FAM178B: variants seen among roughly 807,000 people sequenced by gnomAD.
The protein encoded by FAM178B is family with sequence similarity 178 member B.
A neutral mutation model predicts 91.7 loss-of-function variants in FAM178B; 82 were observed. The observed-to-expected ratio is 0.89, with a 90% CI of 0.75 to 1.07. The LOEUF (loss-of-function observed/expected upper bound fraction) is 1.07, where lower values mean the gene tolerates loss of function less well. Ranked by LOEUF, FAM178B falls within the 50% of genes least tolerant of loss-of-function variation. The pLI is 0.00. For missense variants in FAM178B, 769 were observed against 846.7 expected (o/e 0.91, Z 1.14); for synonymous variants, 368 against 359.4 (o/e 1.02, Z -0.27).
chr2:96,905,814 G>GTATA (rs2081020358), intron 12 of FAM178B, among the ~76,000 whole-genome samples: 1 of 34,466 alleles, frequency 2.9e-5, no homozygotes, highest in African/African-American at 1.1e-4. Flanking sequence ...ATACATATAT[G>GTATA]TGTGTATATA....
chr2:96,965,802 A>C (rs952447933), intron 5 of FAM178B, among the ~76,000 whole-genome samples: 1 of 152,002 alleles, frequency 6.6e-6, no homozygotes, highest in Non-Finnish European at 1.5e-5. Flanking sequence ...CCAACCTTCC[A>C]GTTGCTCAGA....
intron 12 of FAM178B, among the ~76,000 whole-genome samples, chr2:96,914,658 G>T (rs1445854045): frequency 6.6e-6 from 1 of 152,220 alleles, no homozygotes; most frequent in Non-Finnish European, 1.5e-5. Flanking sequence ...GGAAGCCAAG[G>T]TGGGAGGATC....
chr2:96,921,912 A>G (rs2081347625), intron 10 of FAM178B, among the ~76,000 whole-genome samples: 1 of 152,136 alleles, frequency 6.6e-6, no homozygotes, highest in Non-Finnish European at 1.5e-5. Context: ...AACAAGGCTG[A>G]GACCTACTGG....
intron 8 of FAM178B, among the ~76,000 whole-genome samples, chr2:96,942,795 T>C (rs1235188357): frequency 2.0e-5 from 3 of 152,144 alleles, no homozygotes; most frequent in Admixed American, 6.5e-5. Flanking sequence ...AGCATAAGGG[T>C]AGACATATAA....
intron 14 of FAM178B, among the ~76,000 whole-genome samples, chr2:96,880,796 G>T (rs972779548): frequency 6.6e-6 from 1 of 152,054 alleles, no homozygotes; most frequent in Non-Finnish European, 1.5e-5. Context: ...GGGTTTCACC[G>T]TGTTAGCCAG....
rs533990518 is a variant in FAM178B at position 96,900,221 on chromosome 2, C to G, written c.1650+2399G>C. 2.0e-4 allele frequency among the ~76,000 whole-genome samples: 30 copies of G among 152,294 alleles called. No homozygotes were observed. In the South Asian group the frequency reaches 3.9e-3, roughly 20 times the overall value. On this transcript the variant is annotated intron_variant, in intron 13 of 16. Coordinates refer to ENST00000490605, the MANE Select transcript of FAM178B (RefSeq NM_001122646.3). Reference sequence around the variant, plus strand: ...CCAGGCACCCCATCTTGTGCTCCCCCCTGCCTCTAACTGCTGGCTGTTCCC... The same window carrying G: ...CCAGGCACCCCATCTTGTGCTCCCCGCTGCCTCTAACTGCTGGCTGTTCCC...
chr2:96,982,781 T>C (rs1256589775), intron 1 of FAM178B, among the ~76,000 whole-genome samples: 7 of 135,122 alleles, frequency 5.2e-5, no homozygotes, highest in Non-Finnish European at 6.3e-5. Context: ...GTTCTTGCTA[T>C]GTTGCCCAGG....
rs775416688 is a variant in FAM178B, at chr2:96,876,304, T to C, written c.2012A>G (p.Gln671Arg). The change falls in exon 17 of 17, where the codon CAG becomes CGG. Residue 671 changes from glutamine to arginine, a missense_variant. Transcript: ENST00000490605. ...ELLTHCQPQA[Q>R]YFSPWKDI is the part of the protein sequence containing the mutation. Reference sequence around the variant, plus strand: ...GATGTCTTTCCAGGGGCTGAAATACTGGGCCTGCGGCGAGGAGAAAAGCAG... The same window carrying C: ...GATGTCTTTCCAGGGGCTGAAATACCGGGCCTGCGGCGAGGAGAAAAGCAG... 1 of 1,604,254 alleles carries C rather than the reference T, an allele frequency of 6.2e-7. No individual in the cohort carries two copies. The highest frequency in any genetic ancestry group is 8.5e-7 in the Non-Finnish European group (1 of 1,176,556).
chr2:96,949,303 C>T (rs1336336113), intron 7 of FAM178B, among the ~76,000 whole-genome samples: 1 of 152,180 alleles, frequency 6.6e-6, no homozygotes, highest in Non-Finnish European at 1.5e-5. Flanking sequence ...GTAGGGACCC[C>T]AGGTACAGGC....
chr2:96,943,428 G>A (rs745752249), intron 8 of FAM178B, among the ~76,000 whole-genome samples: 3 of 152,200 alleles, frequency 2.0e-5, no homozygotes, highest in Non-Finnish European at 4.4e-5. Flanking sequence ...TATAGCATAT[G>A]TCACTCCTTC....
At chr2:96,916,366 C>T (rs779732265) in intron 12 of FAM178B, among the ~76,000 whole-genome samples, 2 of 152,194 alleles carry the variant, frequency 1.3e-5, no homozygotes, top group Non-Finnish European at 2.9e-5. Flanking sequence ...TTTCGTGAGC[C>T]GTTTTACGCA....
At chr2:96,968,581 TGATTTCTAGCTGA>T (rs1318009538) in intron 4 of FAM178B, among the ~76,000 whole-genome samples, 1 of 152,020 alleles carries the variant, frequency 6.6e-6, no homozygotes, top group African/African-American at 2.4e-5. Flanking sequence ...ACTCACTGAG[TGATTTCTAGCTGA>T]ATGTGACTGG....
At chr2:96,960,773 C>T (rs1394158185) in intron 5 of FAM178B, among the ~76,000 whole-genome samples, 1 of 152,206 alleles carries the variant, frequency 6.6e-6, no homozygotes, top group Admixed American at 6.5e-5. Context: ...GAATGGACCA[C>T]CCAGGAAGGG....
chr2:96,951,529 A>T, intron 6 of FAM178B, 45 bp from the exon 7 acceptor site: 1 of 1,457,830 alleles, frequency 6.9e-7, no homozygotes, highest in South Asian at 1.2e-5. Flanking sequence ...CTGTGCCAGC[A>T]CACTTGTCTC....
intron 12 of FAM178B, among the ~76,000 whole-genome samples, chr2:96,903,232 G>A (rs532036604): frequency 6.6e-6 from 1 of 152,258 alleles, no homozygotes; most frequent in African/African-American, 2.4e-5. Flanking sequence ...GTAGAGACAG[G>A]GTTTCACCAT....
chr2:96,941,671 C>T (rs1483974315), intron 8 of FAM178B, among the ~76,000 whole-genome samples: 1 of 152,154 alleles, frequency 6.6e-6, no homozygotes, highest in Non-Finnish European at 1.5e-5. Flanking sequence ...CAGGGTCATT[C>T]TATTTTATTA....
intron 13 of FAM178B, chr2:96,894,935 C>T: frequency 1.6e-6 from 1 of 619,122 alleles, no homozygotes. Flanking sequence ...CCACCCCCTG[C>T]ACTGCCGCTC....
At chr2:96,889,068 A>G (rs1470857944) in intron 14 of FAM178B, among the ~76,000 whole-genome samples, 1 of 152,200 alleles carries the variant, frequency 6.6e-6, no homozygotes, top group Admixed American at 6.5e-5. Flanking sequence ...CGCAGGGACC[A>G]TAACAGGTGC....
chr2:96,964,676 C>T (rs2153375198), intron 5 of FAM178B, among the ~76,000 whole-genome samples: 1 of 152,318 alleles, frequency 6.6e-6, no homozygotes, highest in East Asian at 1.9e-4. Flanking sequence ...AAAGAAACCA[C>T]CCCACTGATC....
Sources: gnomAD v4.1 joint callset for allele counts (sites outside exome capture counted in the v4.1 genomes callset) on GRCh38, gnomAD v4.1.1 for gene constraint, MANE v1.5 for transcripts, NCBI Gene and HGNC (gene_info 2026-07-23, HGNC 2026-07-21) for gene names.